The following RSL24D1 variants were observed in gnomAD, a reference collection of about 807,000 sequenced individuals.
The protein encoded by RSL24D1 is probable ribosome biogenesis protein RLP24.
A neutral mutation model predicts 26.2 loss-of-function variants in RSL24D1; 6 were observed. That is an observed-to-expected ratio of 0.23 (90% confidence interval 0.13 to 0.45). RSL24D1 has a LOEUF of 0.45. RSL24D1 is among the 20% of genes least tolerant of loss of function. The pLI is 0.99. For missense variants in RSL24D1, 176 were observed against 202.6 expected, an observed-to-expected ratio of 0.87 and a Z score of 0.80; for synonymous variants, 61 against 59.1, an observed-to-expected ratio of 1.03 and a Z score of -0.15.
rs181961578 is a variant in RSL24D1 at position 55,181,161 on chromosome 15, T to C, written c.*991A>G. The C allele has an allele frequency of 2.0e-5, 3 of 152,280 alleles. No individual in the cohort carries two copies. The highest frequency in any genetic ancestry group is 2.1e-4 in the South Asian group (1 of 4,832). 9.4% of individuals were successfully genotyped at this position (152,280 alleles called of 1,614,324 possible). A position where few individuals can be genotyped will look rare whatever the true frequency, so the allele number is the denominator to read the frequency against. ...TTAACATACTTAAAACTGTAAACAA[T>C]GTAAAAACACAAAACATTAAGTATT... is the stretch of plus-strand genomic sequence containing the variant. On this transcript the variant is annotated 3_prime_UTR_variant, in exon 6 of 6. Transcript: ENST00000260443.
At chr15:55,183,210 A>G in intron 5 of RSL24D1, 105 bp downstream of exon 5, 1 of 762,106 alleles carries the variant, frequency 1.3e-6, no homozygotes, top group Non-Finnish European at 2.1e-6. Flanking sequence ...AAATCATATC[A>G]TAAATTTACT....
At chr15:55,196,535 T>A in intron 1 of RSL24D1, 2 of 586,980 alleles carry the variant, frequency 3.4e-6, no homozygotes, top group South Asian at 3.7e-5. Flanking sequence ...CATCCAAGAT[T>A]CCTGGTAGGC....
At chr15:55,189,961 G>T (rs993206969) in intron 3 of RSL24D1, among the ~76,000 whole-genome samples, 3 of 152,142 alleles carry the variant, frequency 2.0e-5, no homozygotes, top group South Asian at 2.1e-4. Context: ...AGAAGGCCGG[G>T]CCGGTGCCAG....
At chr15:55,193,296 G>A (rs8042411) in intron 1 of RSL24D1, among the ~76,000 whole-genome samples, 15,455 of 152,050 alleles carry the variant, frequency 0.1, 1,376 homozygotes, top group African/African-American at 0.24. Context: ...ATTCGTTTTC[G>A]ACTTACTCAC....
intron 3 of RSL24D1, 108 bp from the exon 4 acceptor site, chr15:55,185,533 A>G: frequency 1.3e-6 from 1 of 792,058 alleles, no homozygotes. Flanking sequence ...ATGAATTTAC[A>G]TGAAAAAAAT....
intron 3 of RSL24D1, among the ~76,000 whole-genome samples, chr15:55,186,648 A>C (rs558179205): frequency 1.3e-5 from 2 of 152,310 alleles, no homozygotes; most frequent in South Asian, 4.1e-4. Flanking sequence ...AGATTACAAG[A>C]GATTAAAGAG....
chr15:55,192,905 G>A, intron 1 of RSL24D1, 72 bp from the exon 2 acceptor site: 3 of 921,382 alleles, frequency 3.3e-6, no homozygotes, highest in Admixed American at 4.1e-5. Context: ...ACCCCTGCTA[G>A]ACAAAAAATA....
chr15:55,187,896 TA>T (rs1192457336), intron 3 of RSL24D1, among the ~76,000 whole-genome samples: 3 of 150,662 alleles, frequency 2.0e-5, no homozygotes, highest in Non-Finnish European at 4.4e-5. Context: ...CTATTAAGAT[TA>T]AAAAAAAGTT....
chr15:55,191,074 A>T, intron 2 of RSL24D1, 27 bp from the exon 3 acceptor site: 1 of 1,503,218 alleles, frequency 6.7e-7, no homozygotes, highest in Non-Finnish European at 9.0e-7. Context: ...AGGAGATAAA[A>T]ATAAGGTTTT....
In RSL24D1 at chr15:55,181,603, A is replaced by T. The variant is rs1368487794; in HGVS notation, c.*549T>A. The T allele has an allele frequency of 6.5e-6, 1 of 152,690 alleles. No homozygotes were observed. The highest frequency in any genetic ancestry group is 1.5e-5 in the Non-Finnish European group (1 of 68,338). 9.5% of individuals were successfully genotyped at this position (152,690 alleles called of 1,614,324 possible). On this transcript the variant is annotated 3_prime_UTR_variant, in exon 6 of 6. Coordinates refer to ENST00000260443, the MANE Select transcript of RSL24D1 (RefSeq NM_016304.3). ...TCCCCAGCATCCACAACTACCTATC[A>T]GAAGGGTTAAACCAGGTCAAAACAG...
chr15:55,195,946 GT>G (rs910333422), intron 1 of RSL24D1, among the ~76,000 whole-genome samples: 28 of 152,232 alleles, frequency 1.8e-4, no homozygotes, highest in African/African-American at 6.5e-4. Flanking sequence ...AATAGATCTG[GT>G]GAAAACCAGG....
At chr15:55,189,399 A>C (rs1894267689) in intron 3 of RSL24D1, among the ~76,000 whole-genome samples, 1 of 152,164 alleles carries the variant, frequency 6.6e-6, no homozygotes, top group Non-Finnish European at 1.5e-5. Flanking sequence ...ATAAAGCAGA[A>C]GGAAAAGACC....
intron 3 of RSL24D1, among the ~76,000 whole-genome samples, chr15:55,190,232 A>C (rs920078345): frequency 1.4e-5 from 2 of 142,222 alleles, no homozygotes; most frequent in Non-Finnish European, 3.0e-5. Flanking sequence ...GGTGGGACAG[A>C]GCAAGACTTT....
chr15:55,191,731 A>C lies in RSL24D1; in HGVS notation c.196-684T>G, dbSNP rs567658916. ...AAGCTACAGGTATTTCTTGGTTTTCAAATCTATCTGACAGGCATATAAAAC... is the reference window on the plus strand; with the variant it reads ...AAGCTACAGGTATTTCTTGGTTTTCCAATCTATCTGACAGGCATATAAAAC... On this transcript the variant is annotated intron_variant, in intron 2 of 5. Transcript: ENST00000260443. Among the ~76,000 whole-genome samples, 28 of 152,320 alleles carry C rather than the reference A, an allele frequency of 1.8e-4. 2 individuals are homozygous for C. The South Asian group carries it at 5.4e-3, about 29-fold the overall frequency.
At position 55,185,382 on chromosome 15, in the gene RSL24D1, T is replaced by C; in HGVS notation, c.312A>G (p.Gln104=). The part of the protein sequence containing the change: ...KRVEEIKQKR[Q]AKFIMNRLKK... ...CATACCTGTTCATTATAAATTTAGCTTGGCGCTTCTGTTTGATTTCTTCAA... is the reference window on the plus strand; with the variant it reads ...CATACCTGTTCATTATAAATTTAGCCTGGCGCTTCTGTTTGATTTCTTCAA... Residue 104 remains glutamine (Q), a synonymous_variant, in exon 4 of 6, where the codon CAA becomes CAG. Transcript: ENST00000260443. The C allele has an allele frequency of 6.2e-7, 1 of 1,608,504 alleles. No homozygotes were observed. Among genetic ancestry groups the C allele is most frequent in the African/African-American group, 1.3e-5 (1 of 74,748 alleles).
intron 1 of RSL24D1, among the ~76,000 whole-genome samples, chr15:55,193,105 G>A (rs1417774858): frequency 6.6e-6 from 1 of 152,156 alleles, no homozygotes; most frequent in Non-Finnish European, 1.5e-5. Context: ...ACAGTTTTAA[G>A]TAAAGTCATT....
chr15:55,186,722 T>C (rs551081105), intron 3 of RSL24D1, among the ~76,000 whole-genome samples: 24 of 152,248 alleles, frequency 1.6e-4, no homozygotes, highest in Non-Finnish European at 3.5e-4. Flanking sequence ...ATTGGAGAAA[T>C]ATGAATAGGA....
In RSL24D1 at chr15:55,183,072, C is replaced by T. The variant is rs572451966; in HGVS notation, c.418+243G>A. Among the ~76,000 whole-genome samples the T allele has an allele frequency of 3.7e-4, 56 of 152,162 alleles. No homozygotes were observed. The South Asian group carries it at 7.5e-3, about 20-fold the overall frequency. The stretch of plus-strand genomic sequence containing the variant: ...ACAAAAATCATCTACAAAATTATTA[C>T]GCAAATCATTTTGCATAACTTGGGG... On this transcript the variant is annotated intron_variant, in intron 5 of 5. Transcript: ENST00000260443.
intron 3 of RSL24D1, among the ~76,000 whole-genome samples, chr15:55,189,025 C>T (rs959294685): frequency 2.0e-5 from 3 of 152,040 alleles, no homozygotes. Flanking sequence ...AACCCCGTCT[C>T]TACTAAAATA....
Sources: allele counts gnomAD v4.1 joint callset (sites outside exome capture counted in the v4.1 genomes callset), GRCh38; gene constraint gnomAD v4.1.1; transcripts MANE v1.5; gene names NCBI Gene and HGNC (gene_info 2026-07-23, HGNC 2026-07-21).